Variants in LRMDA observed in about 807,000 individuals in gnomAD.
LRMDA encodes the protein leucine rich melanocyte differentiation associated.
Under a neutral mutation model 29.8 loss-of-function variants are expected in LRMDA, and 18 were observed. That is an observed-to-expected ratio of 0.60 (90% CI 0.42 to 0.90). The LOEUF is 0.90. Ranked by LOEUF, LRMDA falls within the 40% of genes least tolerant of loss-of-function variation. The pLI, the probability that LRMDA is intolerant of heterozygous loss-of-function variation, is 0.00. For missense variants in LRMDA, 273 were observed against 273.9 expected (o/e 1.00, Z 0.02); for synonymous variants, 125 against 109.4 (o/e 1.14, Z -0.89).
chr10:76,119,978 A>G (rs1849751467), intron 5 of LRMDA, among the ~76,000 whole-genome samples: 1 of 152,168 alleles, frequency 6.6e-6, no homozygotes, highest in African/African-American at 2.4e-5. Context: ...TGGGTGGATA[A>G]GCCCCCCATT....
intron 2 of LRMDA, among the ~76,000 whole-genome samples, chr10:75,877,467 G>T (rs1204169618): frequency 6.6e-6 from 1 of 152,236 alleles, no homozygotes; most frequent in Non-Finnish European, 1.5e-5. Flanking sequence ...TAGATTGCGT[G>T]TGAGCTCCTG....
chr10:75,576,039 G>A (rs890340795), intron 2 of LRMDA, among the ~76,000 whole-genome samples: 1 of 151,314 alleles, frequency 6.6e-6, no homozygotes, highest in South Asian at 2.1e-4. Context: ...CCCCTGAAAA[G>A]TGGGCTGAAG....
chr10:75,641,790 G>A (rs1212838362), intron 2 of LRMDA, among the ~76,000 whole-genome samples: 1 of 152,032 alleles, frequency 6.6e-6, no homozygotes, highest in Non-Finnish European at 1.5e-5. Flanking sequence ...CTACCAGAAA[G>A]ATAAATATCC....
At chr10:76,200,664 G>A (rs1262838998) in intron 5 of LRMDA, among the ~76,000 whole-genome samples, 1 of 151,414 alleles carries the variant, frequency 6.6e-6, no homozygotes, top group Non-Finnish European at 1.5e-5. Flanking sequence ...TGGATAGCAT[G>A]CCACATATTA....
At chr10:76,005,518 C>G (rs543880529) in intron 2 of LRMDA, among the ~76,000 whole-genome samples, 1 of 152,102 alleles carries the variant, frequency 6.6e-6, no homozygotes, top group Non-Finnish European at 1.5e-5. Context: ...GAGGCTGAGA[C>G]GGGAGGAGCA....
At chr10:75,519,859 T>C (rs1235902508) in intron 2 of LRMDA, among the ~76,000 whole-genome samples, 1 of 152,244 alleles carries the variant, frequency 6.6e-6, no homozygotes, top group African/African-American at 2.4e-5. Context: ...TCAGGAGCTC[T>C]GTAAGGCAGT....
intron 2 of LRMDA, among the ~76,000 whole-genome samples, chr10:75,617,560 A>C (rs1841120102): frequency 6.6e-6 from 1 of 152,106 alleles, no homozygotes; most frequent in Non-Finnish European, 1.5e-5. Context: ...TAGTAGAACC[A>C]AGTAATCTTT....
At chr10:75,862,022 A>G (rs1404501861) in intron 2 of LRMDA, among the ~76,000 whole-genome samples, 1 of 152,172 alleles carries the variant, frequency 6.6e-6, no homozygotes, top group Admixed American at 6.6e-5. Context: ...GTTCCAATTC[A>G]TGCCACTATC....
chr10:75,651,291 G>A (rs1337582905), intron 2 of LRMDA, among the ~76,000 whole-genome samples: 1 of 152,176 alleles, frequency 6.6e-6, no homozygotes, highest in Admixed American at 6.5e-5. Flanking sequence ...GGCTCAAGAA[G>A]AAAGCTGCTT....
intron 2 of LRMDA, among the ~76,000 whole-genome samples, chr10:75,468,132 T>G (rs1304128130): frequency 6.6e-6 from 1 of 152,192 alleles, no homozygotes. Context: ...GCATCAGTAG[T>G]CTGGAACCAG....
At chr10:75,737,784 T>C (rs1322463404) in intron 2 of LRMDA, among the ~76,000 whole-genome samples, 1 of 152,176 alleles carries the variant, frequency 6.6e-6, no homozygotes, top group African/African-American at 2.4e-5. Flanking sequence ...AATAGAAATA[T>C]AATCCTGAAG....
intron 5 of LRMDA, among the ~76,000 whole-genome samples, chr10:76,310,269 T>C: frequency 6.6e-6 from 1 of 152,188 alleles, no homozygotes; most frequent in East Asian, 1.9e-4. Flanking sequence ...AAGTTGGAAT[T>C]GGCCAGGCTC....
intron 5 of LRMDA, among the ~76,000 whole-genome samples, chr10:76,204,930 T>C (rs1273817325): frequency 6.6e-6 from 1 of 152,190 alleles, no homozygotes; most frequent in African/African-American, 2.4e-5. Context: ...TTCTGGAGTT[T>C]ACTGGCAGAG....
chr10:76,548,338 C>T lies in LRMDA; in HGVS notation c.602-8871C>T, dbSNP rs549483118. ...AAAAGTTTACCATTCTGTATTGAAG[C>T]ATACTAGGCAGTACAGCAAATCACA... On this transcript the variant is annotated intron_variant, in intron 6 of 6. Coordinates refer to ENST00000611255, the MANE Select transcript of LRMDA (RefSeq NM_001305581.2). Among the ~76,000 whole-genome samples the T allele has an allele frequency of 5.8e-4, 78 of 133,454 alleles. No homozygotes were observed. In the South Asian group the frequency reaches 0.02, roughly 34 times the overall value. 87.6% of individuals were successfully genotyped at this position (133,454 alleles called of 152,430 possible).
chr10:76,444,912 C>T (rs78861998), intron 6 of LRMDA, among the ~76,000 whole-genome samples: 4,224 of 151,952 alleles, frequency 0.028, 87 homozygotes, highest in Middle Eastern at 0.051. Context: ...TATTCATGTA[C>T]ATATATACAT....
intron 6 of LRMDA, among the ~76,000 whole-genome samples, chr10:76,427,625 A>C (rs1589180787): frequency 6.6e-6 from 1 of 152,302 alleles, no homozygotes; most frequent in African/African-American, 2.4e-5. Flanking sequence ...CCCTGGCCAG[A>C]ACCTCCAACA....
At chr10:76,009,733 C>A (rs936620770) in intron 2 of LRMDA, among the ~76,000 whole-genome samples, 2 of 152,144 alleles carry the variant, frequency 1.3e-5, no homozygotes, top group Non-Finnish European at 2.9e-5. Flanking sequence ...TTTTTCTTCT[C>A]CTCCGCAGCC....
chr10:76,267,460 A>C (rs916277501), intron 5 of LRMDA, among the ~76,000 whole-genome samples: 1 of 152,166 alleles, frequency 6.6e-6, no homozygotes, highest in African/African-American at 2.4e-5. Flanking sequence ...AAACTCTATA[A>C]TTATTAAGCA....
chr10:76,513,719 A>G (rs750696994), intron 6 of LRMDA, among the ~76,000 whole-genome samples: 9 of 152,102 alleles, frequency 5.9e-5, no homozygotes, highest in Non-Finnish European at 1.3e-4. Context: ...TAATGCATTC[A>G]AGTCTACTTC....
Sources: gnomAD v4.1 joint callset for allele counts (sites outside exome capture counted in the v4.1 genomes callset) on GRCh38, gnomAD v4.1.1 for gene constraint, MANE v1.5 for transcripts, NCBI Gene and HGNC (gene_info 2026-07-23, HGNC 2026-07-21) for gene names.